GABRG3: variants seen among roughly 807,000 people sequenced by gnomAD.
GABRG3 encodes the protein gamma-aminobutyric acid type A receptor subunit gamma3.
GABRG3 carries 25 observed loss-of-function variants against 48.8 expected under a neutral mutation model. The ratio of observed to expected loss-of-function variants is 0.51; its 90% CI spans 0.37 to 0.72. GABRG3 has a LOEUF of 0.72. Ranked by LOEUF, GABRG3 falls within the 30% of genes least tolerant of loss-of-function variation. The probability of loss-of-function intolerance (pLI) is 0.00; values close to 1 mark genes in which losing one functional copy is unlikely to be tolerated. For missense variants in GABRG3, 394 were observed against 577.9 expected, an observed-to-expected ratio of 0.68 and a Z score of 3.26; for synonymous variants, 227 against 217.6, an observed-to-expected ratio of 1.04 and a Z score of -0.38.
At chr15:27,411,765 A>G (rs116038389) in intron 5 of GABRG3, among the ~76,000 whole-genome samples, 51 of 152,264 alleles carry the variant, frequency 3.3e-4, no homozygotes, top group African/African-American at 1.2e-3. Flanking sequence ...ACACCATACC[A>G]TTTAACATGT....
rs115989714 is a variant in GABRG3 at position 27,426,243 on chromosome 15, T to G, written c.575-54407T>G. ...TGGGAAAAAAGAGACAAAACTCATC[T>G]CCTTTGACTCTGCCCACCTGATAAA... is the stretch of plus-strand genomic sequence containing the variant. On this transcript the variant is annotated intron_variant, in intron 5 of 9. Transcript: ENST00000615808. Among the ~76,000 whole-genome samples the G allele has an allele frequency of 9.7e-3, 1,473 of 152,300 alleles. 21 individuals carry two copies. Among genetic ancestry groups the G allele is most frequent in the African/African-American group, 0.034 (1,394 of 41,566 alleles).
chr15:27,241,620 T>C (rs2140453983), intron 3 of GABRG3, among the ~76,000 whole-genome samples: 1 of 152,344 alleles, frequency 6.6e-6, no homozygotes, highest in East Asian at 1.9e-4. Context: ...CATCTAAAAA[T>C]TCACTTTCCA....
intron 3 of GABRG3, among the ~76,000 whole-genome samples, chr15:27,243,509 TAGG>T (rs1244142658): frequency 6.6e-6 from 1 of 151,948 alleles, no homozygotes; most frequent in Non-Finnish European, 1.5e-5. Context: ...TGGGATTGGT[TAGG>T]GGGCATATTT....
intron 3 of GABRG3, among the ~76,000 whole-genome samples, chr15:27,145,601 A>ATCTC (rs1403766960): frequency 3.2e-5 from 2 of 62,346 alleles, no homozygotes; most frequent in African/African-American, 9.7e-5. Context: ...ACATATATCT[A>ATCTC]TCTCTATCTA....
intron 2 of GABRG3, among the ~76,000 whole-genome samples, chr15:26,978,818 G>A (rs971088231): frequency 1.3e-5 from 2 of 152,042 alleles, no homozygotes; most frequent in Non-Finnish European, 2.9e-5. Context: ...CTAATAGTTC[G>A]TATGCTTTTC....
intron 2 of GABRG3, among the ~76,000 whole-genome samples, chr15:27,010,643 C>A (rs1895667588): frequency 6.6e-6 from 1 of 152,136 alleles, no homozygotes; most frequent in Non-Finnish European, 1.5e-5. Flanking sequence ...CACTTTCACA[C>A]ATTTCCCTCT....
At chr15:27,467,336 G>A (rs922794292) in intron 5 of GABRG3, among the ~76,000 whole-genome samples, 3 of 152,216 alleles carry the variant, frequency 2.0e-5, no homozygotes, top group African/African-American at 7.2e-5. Flanking sequence ...TTCAACGTAT[G>A]AATTTGTGGG....
At chr15:27,111,940 A>G (rs183321797) in intron 3 of GABRG3, among the ~76,000 whole-genome samples, 133 of 137,886 alleles carry the variant, frequency 9.6e-4, no homozygotes, top group Non-Finnish European at 4.0e-4. Flanking sequence ...AGAAGGTTCT[A>G]TGAATGTTTT....
intron 5 of GABRG3, among the ~76,000 whole-genome samples, chr15:27,431,619 T>C (rs887679627): frequency 5.3e-5 from 8 of 152,206 alleles, no homozygotes; most frequent in African/African-American, 1.9e-4. Context: ...GGATTCCGTT[T>C]TGCACCATTC....
At chr15:27,042,246 C>T (rs1237994806) in intron 3 of GABRG3, among the ~76,000 whole-genome samples, 1 of 152,170 alleles carries the variant, frequency 6.6e-6, no homozygotes, top group Admixed American at 6.5e-5. Context: ...CCCCACCCTT[C>T]GTTCCTCTAA....
At chr15:27,176,325 A>G (rs902523680) in intron 3 of GABRG3, among the ~76,000 whole-genome samples, 3 of 152,190 alleles carry the variant, frequency 2.0e-5, no homozygotes, top group Non-Finnish European at 4.4e-5. Context: ...TATTGTGCTT[A>G]TTAGCACCAA....
intron 3 of GABRG3, among the ~76,000 whole-genome samples, chr15:27,101,070 G>GAATC (rs1447218174): frequency 1.6e-4 from 24 of 152,138 alleles, no homozygotes; most frequent in Non-Finnish European, 2.6e-4. Context: ...AAGTCACAAG[G>GAATC]AATCTACCAG....
At chr15:27,366,815 C>T (rs1895217694) in intron 5 of GABRG3, among the ~76,000 whole-genome samples, 1 of 152,184 alleles carries the variant, frequency 6.6e-6, no homozygotes, top group Non-Finnish European at 1.5e-5. Flanking sequence ...ACCTTGTGCC[C>T]ATGTGCCCGT....
Position 27,066,845 on chromosome 15 carries a change from ATTTC to A in GABRG3, c.270+40028_270+40031del, listed in dbSNP as rs1317995281. Among the ~76,000 whole-genome samples, 8 of 152,304 alleles carry A rather than the reference ATTTC, an allele frequency of 5.3e-5. No homozygotes were observed. In the East Asian group the frequency reaches 1.5e-3, roughly 29 times the overall value. On this transcript the variant is annotated intron_variant, in intron 3 of 9. Transcript: ENST00000615808. ...AAGTTCTAGGAGTGAAGAAATTTGT[ATTTC>A]TTTAGAATATCACATAGATACACTG...
chr15:27,242,777 A>G (rs1890165322), intron 3 of GABRG3, among the ~76,000 whole-genome samples: 1 of 152,198 alleles, frequency 6.6e-6, no homozygotes, highest in African/African-American at 2.4e-5. Context: ...ATAGGTGACA[A>G]ATATTTAATT....
chr15:27,042,586 G>A (rs1896295957), intron 3 of GABRG3, among the ~76,000 whole-genome samples: 1 of 152,200 alleles, frequency 6.6e-6, no homozygotes, highest in Admixed American at 6.5e-5. Context: ...CCTCCACCAT[G>A]TCCCGCACAC....
At chr15:27,269,075 G>A (rs974168692) in intron 3 of GABRG3, among the ~76,000 whole-genome samples, 6 of 151,868 alleles carry the variant, frequency 4.0e-5, no homozygotes, top group East Asian at 3.9e-4. Flanking sequence ...CCTTCATCTT[G>A]GCCAGAAGCA....
intron 3 of GABRG3, among the ~76,000 whole-genome samples, chr15:27,235,945 G>A (rs1426350546): frequency 1.3e-5 from 2 of 152,020 alleles, no homozygotes; most frequent in South Asian, 2.1e-4. Context: ...CTGCAGAGAC[G>A]GACACACCCT....
chr15:27,473,046 T>G (rs534276732), intron 5 of GABRG3, among the ~76,000 whole-genome samples: 132 of 152,326 alleles, frequency 8.7e-4, no homozygotes, highest in African/African-American at 3.0e-3. Flanking sequence ...ATGTGAGATT[T>G]TACATTCATA....
Sources: allele counts gnomAD v4.1 joint callset (sites outside exome capture counted in the v4.1 genomes callset), GRCh38; gene constraint gnomAD v4.1.1; transcripts MANE v1.5; gene names NCBI Gene and HGNC (gene_info 2026-07-23, HGNC 2026-07-21).